The following CTNNA2 variants were observed in gnomAD, a reference collection of about 807,000 sequenced individuals.
CTNNA2 encodes catenin alpha-2.
A neutral mutation model predicts 101.0 loss-of-function variants in CTNNA2; 42 were observed. The observed-to-expected ratio is 0.42, with a 90% CI of 0.32 to 0.54. The LOEUF is 0.54. Ranked by LOEUF, CTNNA2 falls within the 20% of genes least tolerant of loss-of-function variation. The pLI is 0.14. For missense variants in CTNNA2, 871 were observed against 1,223.1 expected (o/e 0.71, Z 4.29); for synonymous variants, 450 against 456.4 (o/e 0.99, Z 0.18).
intron 2 of CTNNA2, among the ~76,000 whole-genome samples, chr2:79,243,806 GAATAGGGAACAGAATGGGAGC>G (rs1047153929): frequency 2.0e-5 from 3 of 152,142 alleles, no homozygotes; most frequent in African/African-American, 7.2e-5. Context: ...TAGGAAAAGG[GAATAGGGAACAGAATGGGAGC>G]AAAAGAAAGG....
chr2:79,836,387 T>C (rs758308939), intron 3 of CTNNA2, among the ~76,000 whole-genome samples: 8 of 152,214 alleles, frequency 5.3e-5, no homozygotes, highest in Non-Finnish European at 1.2e-4. Flanking sequence ...TTCAGTGCTC[T>C]AACAACCAAG....
intron 7 of CTNNA2, among the ~76,000 whole-genome samples, chr2:80,250,390 A>G (rs550604255): frequency 8.4e-4 from 128 of 152,302 alleles, no homozygotes; most frequent in African/African-American, 2.9e-3. Flanking sequence ...TATGATCCAT[A>G]TAAGTCTGCA....
intron 2 of CTNNA2, among the ~76,000 whole-genome samples, chr2:79,312,147 G>A (rs552087747): frequency 2.0e-5 from 3 of 151,940 alleles, no homozygotes; most frequent in Non-Finnish European, 2.9e-5. Flanking sequence ...GGCCTCAAGC[G>A]ATCTTCCTAC....
chr2:79,604,843 T>C (rs1303608046), intron 1 of CTNNA2, among the ~76,000 whole-genome samples: 2 of 152,162 alleles, frequency 1.3e-5, no homozygotes, highest in African/African-American at 4.8e-5. Flanking sequence ...GCCTGACAAA[T>C]TGTAGCAAGA....
At chr2:80,458,626 T>C (rs115705662) in intron 9 of CTNNA2, among the ~76,000 whole-genome samples, 103 of 152,298 alleles carry the variant, frequency 6.8e-4, no homozygotes, top group African/African-American at 2.5e-3. Context: ...TGAAAAATCA[T>C]TTTTTTAGCA....
rs113806593 is a variant in CTNNA2 at position 79,247,152 on chromosome 2, G to A, written c.-406+49076G>A. On this transcript the variant is annotated intron_variant, in intron 2 of 21. Transcript: ENST00000466387. Reference sequence around the variant, plus strand: ...TGGGAGGAATTGTAGACAAGGAGTCGTAAGACCCCAGTGTGATCTCCCACT... The same window carrying A: ...TGGGAGGAATTGTAGACAAGGAGTCATAAGACCCCAGTGTGATCTCCCACT... Among the ~76,000 whole-genome samples the A allele has an allele frequency of 8.4e-3, 1,285 of 152,278 alleles. 14 individuals are homozygous for A. The highest frequency in any genetic ancestry group is 0.029 in the African/African-American group (1,216 of 41,546).
intron 7 of CTNNA2, among the ~76,000 whole-genome samples, chr2:80,332,221 C>T (rs1474838811): frequency 6.6e-6 from 1 of 152,170 alleles, no homozygotes; most frequent in Admixed American, 6.5e-5. Context: ...GTTTCTATGA[C>T]CAGTGTAGAG....
intron 9 of CTNNA2, among the ~76,000 whole-genome samples, chr2:80,453,192 C>T (rs2149459883): frequency 6.6e-6 from 1 of 152,208 alleles, no homozygotes; most frequent in East Asian, 1.9e-4. Flanking sequence ...AATCTCCTAA[C>T]ACACCGTCAT....
intron 3 of CTNNA2, chr2:79,777,122 C>T (rs1051896117): frequency 6.6e-6 from 1 of 152,126 alleles, no homozygotes; most frequent in Non-Finnish European, 1.5e-5. Flanking sequence ...CACACACAAA[C>T]CAGCTGAAGA....
chr2:79,786,720 T>G (rs998731363), intron 3 of CTNNA2, among the ~76,000 whole-genome samples: 2 of 152,160 alleles, frequency 1.3e-5, no homozygotes, highest in South Asian at 2.1e-4. Flanking sequence ...CTTGCTAATA[T>G]GTCATTCAGC....
intron 9 of CTNNA2, among the ~76,000 whole-genome samples, chr2:80,491,044 C>A (rs74664682): frequency 0.042 from 6,403 of 152,102 alleles, 350 homozygotes; most frequent in East Asian, 0.17. Context: ...CATTCTATAC[C>A]ACTAGATAGG....
At chr2:79,828,169 G>A (rs1432918250) in intron 3 of CTNNA2, among the ~76,000 whole-genome samples, 1 of 152,152 alleles carries the variant, frequency 6.6e-6, no homozygotes, top group Non-Finnish European at 1.5e-5. Flanking sequence ...CTTTGCATTT[G>A]ATAATTTTTC....
At chr2:79,320,893 G>T (rs968796915) in intron 3 of CTNNA2, among the ~76,000 whole-genome samples, 1 of 152,182 alleles carries the variant, frequency 6.6e-6, no homozygotes, top group African/African-American at 2.4e-5. Context: ...GTCTAGGCAA[G>T]TTATAACAGT....
At chr2:79,261,574 C>G (rs1434183) in intron 2 of CTNNA2, among the ~76,000 whole-genome samples, 88,457 of 152,128 alleles carry the variant, frequency 0.58, 26,018 homozygotes, top group Non-Finnish European at 0.61. Context: ...CCTCACCTTG[C>G]AGACAGCACC....
rs537486293 is a variant in CTNNA2, at chr2:80,134,921, C to T, written c.1056+225124C>T. Among the ~76,000 whole-genome samples the T allele has an allele frequency of 2.2e-3, 328 of 152,158 alleles. 2 individuals carry two copies. The highest frequency in any genetic ancestry group is 3.5e-3 in the Non-Finnish European group (237 of 68,004). On this transcript the variant is annotated intron_variant, in intron 7 of 18. Coordinates refer to ENST00000402739, the MANE Select transcript of CTNNA2 (RefSeq NM_001282597.3). ...CAAAACATCTTGGTTTTCTGCATTC[C>T]GACAATGTTATTGTTATGGTGGTGT...
chr2:79,211,995 T>C lies in CTNNA2; in HGVS notation c.-406+13919T>C, dbSNP rs572562818. On this transcript the variant is annotated intron_variant, in intron 2 of 21. Transcript: ENST00000466387. The stretch of plus-strand genomic sequence containing the variant: ...AAGAAACATTTGTCATTTAGAATTA[T>C]TGATGATGGCCTGGATATGGTTTTG... Among the ~76,000 whole-genome samples, 11 of 152,286 alleles carry C rather than the reference T, an allele frequency of 7.2e-5. No individual in the cohort carries two copies. The East Asian group carries it at 2.1e-3, about 29-fold the overall frequency.
chr2:80,525,728 C>A (rs1439806776), intron 9 of CTNNA2, among the ~76,000 whole-genome samples: 1 of 152,100 alleles, frequency 6.6e-6, no homozygotes, highest in African/African-American at 2.4e-5. Flanking sequence ...TTTCCTAAGC[C>A]CCTCTTAAGA....
At chr2:80,442,845 T>G (rs1682716260) in intron 9 of CTNNA2, among the ~76,000 whole-genome samples, 1 of 152,208 alleles carries the variant, frequency 6.6e-6, no homozygotes, top group African/African-American at 2.4e-5. Flanking sequence ...TCTTCTTTTC[T>G]CTTATTAATT....
intron 8 of CTNNA2, among the ~76,000 whole-genome samples, chr2:80,416,414 A>C (rs1680053750): frequency 1.3e-5 from 2 of 152,132 alleles, no homozygotes; most frequent in South Asian, 4.1e-4. Flanking sequence ...TGACATTTCT[A>C]CTTCAGATCT....
Sources: gnomAD v4.1 joint callset for allele counts (sites outside exome capture counted in the v4.1 genomes callset) on GRCh38, gnomAD v4.1.1 for gene constraint, MANE v1.5 for transcripts, NCBI Gene and HGNC (gene_info 2026-07-23, HGNC 2026-07-21) for gene names.